Variants in GTF2A1 observed in about 807,000 individuals in gnomAD.
GTF2A1 encodes general transcription factor IIA subunit 1.
Under a neutral mutation model 54.1 loss-of-function variants are expected in GTF2A1, and 12 were observed. The observed-to-expected ratio is 0.22, with a 90% CI of 0.14 to 0.36. The LOEUF is 0.36. Ranked by LOEUF, GTF2A1 falls within the 10% of genes least tolerant of loss-of-function variation. The pLI, the probability that GTF2A1 is intolerant of heterozygous loss-of-function variation, is 1.00. For missense variants in GTF2A1, 335 were observed against 442.2 expected (o/e 0.76, Z 2.17); for synonymous variants, 145 against 152.0 (o/e 0.95, Z 0.34).
intron 7 of GTF2A1, among the ~76,000 whole-genome samples, chr14:81,189,553 C>A (rs1193891342): frequency 6.6e-6 from 1 of 152,092 alleles, no homozygotes; most frequent in Non-Finnish European, 1.5e-5. Context: ...CACCTCTAGT[C>A]CCAGCTACTC....
chr14:81,185,709 A>G lies in GTF2A1; in HGVS notation c.934-89T>C, dbSNP rs1308603752. The stretch of plus-strand genomic sequence containing the variant: ...TATAATGACCTTGATGTTCTTTGAG[A>G]ACCAAATGCCAAATGCATATATGTA... On this transcript the variant is annotated intron_variant, in intron 7 of 8. Transcript: ENST00000553612. The G allele has an allele frequency of 1.4e-5, 9 of 662,488 alleles. No individual in the cohort carries two copies. The Admixed American group carries it at 1.9e-4, about 14-fold the overall frequency. The allele number at this position is 662,488 out of a possible 1,614,324, so 41.0% of individuals were successfully genotyped here.
chr14:81,221,124 G>C (rs926154497), upstream of GTF2A1: 1 of 152,308 alleles, frequency 6.6e-6, no homozygotes, highest in Non-Finnish European at 1.5e-5. Flanking sequence ...AGCCCGGGGA[G>C]TGAAGTAGTG....
chr14:81,212,822 G>A (rs1893402553), intron 2 of GTF2A1, among the ~76,000 whole-genome samples: 1 of 152,218 alleles, frequency 6.6e-6, no homozygotes, highest in South Asian at 2.1e-4. Context: ...CACATTTTGA[G>A]TGCTTAATAA....
At chr14:81,192,248 C>T (rs996703072) in intron 7 of GTF2A1, among the ~76,000 whole-genome samples, 1 of 152,154 alleles carries the variant, frequency 6.6e-6, no homozygotes, top group Admixed American at 6.5e-5. Context: ...GTTAGAATTA[C>T]CTGTACTCTT....
chr14:81,213,654 A>T (rs1389846932), intron 2 of GTF2A1, among the ~76,000 whole-genome samples: 1 of 152,188 alleles, frequency 6.6e-6, no homozygotes. Flanking sequence ...ACTTCATGCT[A>T]CTTGAACAAT....
chr14:81,190,092 T>G lies in GTF2A1; in HGVS notation c.933+2427A>C, dbSNP rs574504421. Reference sequence around the variant, plus strand: ...CAAAAAGACAATATCATGATTAACTTCATGTTAATCAACTTGAAAATTTAG... The same window carrying G: ...CAAAAAGACAATATCATGATTAACTGCATGTTAATCAACTTGAAAATTTAG... On this transcript the variant is annotated intron_variant, in intron 7 of 8. Transcript: ENST00000553612. 1.2e-3 allele frequency among the ~76,000 whole-genome samples: 182 copies of G among 152,222 alleles called. 1 individual carries two copies. Among genetic ancestry groups the G allele is most frequent in the African/African-American group, 4.3e-3 (178 of 41,534 alleles).
At chr14:81,194,612 C>T (rs988232860) in intron 6 of GTF2A1, among the ~76,000 whole-genome samples, 5 of 152,126 alleles carry the variant, frequency 3.3e-5, no homozygotes, top group Non-Finnish European at 7.4e-5. Flanking sequence ...ACATAAGTTC[C>T]TCAAGAAAAT....
chr14:81,193,267 A>G (rs1308157087), intron 6 of GTF2A1, among the ~76,000 whole-genome samples: 4 of 151,534 alleles, frequency 2.6e-5, no homozygotes, highest in African/African-American at 7.3e-5. Context: ...CCTGGGTTCA[A>G]GCAATTCTCC....
rs952222194 is a variant in GTF2A1 at position 81,179,670 on chromosome 14, A to G, written c.*553T>C. 4 of 152,254 alleles carry G rather than the reference A, an allele frequency of 2.6e-5. No individual in the cohort carries two copies. The highest frequency in any genetic ancestry group is 2.0e-4 in the Admixed American group (3 of 15,286). The allele number at this position is 152,254 out of a possible 1,614,324, so 9.4% of individuals were successfully genotyped here. A position where few individuals can be genotyped will look rare whatever the true frequency, so the allele number is the denominator to read the frequency against. ...TTCATAAAGCTGGAAAGGAAGAGGT[A>G]TATATCACTGAGGGAGAATAGCAAG... On this transcript the variant is annotated 3_prime_UTR_variant, in exon 9 of 9. Transcript: ENST00000553612.
chr14:81,189,315 A>G (rs1721821166), intron 7 of GTF2A1, among the ~76,000 whole-genome samples: 1 of 152,206 alleles, frequency 6.6e-6, no homozygotes. Context: ...TGGCAGAAAA[A>G]CAAGAAGAAA....
rs1893612725 is a variant in GTF2A1, at chr14:81,220,603, G to C, written c.-85C>G. ...CAAAAAAAAAAAAACTATAACACCCGGAGGGTGACCCAAATCACCGCAAGA... is the reference window on the plus strand; with the variant it reads ...CAAAAAAAAAAAAACTATAACACCCCGAGGGTGACCCAAATCACCGCAAGA... On this transcript the variant is annotated 5_prime_UTR_variant, in exon 1 of 9. Transcript: ENST00000553612. 1 of 1,103,024 alleles carries C rather than the reference G, an allele frequency of 9.1e-7. No homozygotes were observed. The highest frequency in any genetic ancestry group is 2.9e-5 in the East Asian group (1 of 34,606). 68.3% of individuals were successfully genotyped at this position (1,103,024 alleles called of 1,614,324 possible). A position where few individuals can be genotyped will look rare whatever the true frequency, so the allele number is the denominator to read the frequency against.
At position 81,176,611 on chromosome 14, in the gene GTF2A1, G is replaced by A. The variant is rs915710941; in HGVS notation, c.*3612C>T. On this transcript the variant is annotated 3_prime_UTR_variant, in exon 9 of 9. Coordinates refer to ENST00000553612, the MANE Select transcript of GTF2A1 (RefSeq NM_015859.4). ...CAAGAGTAAGGCAGGCTTAAAAAGG[G>A]AACAATATAAACTTCGTAATAATTT... 2 of 152,012 alleles carry A rather than the reference G, an allele frequency of 1.3e-5. No individual in the cohort carries two copies. The highest frequency in any genetic ancestry group is 4.8e-5 in the African/African-American group (2 of 41,388). 9.4% of individuals were successfully genotyped at this position (152,012 alleles called of 1,614,324 possible). A position where few individuals can be genotyped will look rare whatever the true frequency, so the allele number is the denominator to read the frequency against.
chr14:81,180,623 T>G (rs891847121), intron 8 of GTF2A1, among the ~76,000 whole-genome samples: 1 of 152,014 alleles, frequency 6.6e-6, no homozygotes, highest in Admixed American at 6.6e-5. Flanking sequence ...TTAATAAAGT[T>G]TAATTTCACC....
At chr14:81,189,174 G>A (rs75699439) in intron 7 of GTF2A1, among the ~76,000 whole-genome samples, 9,740 of 151,950 alleles carry the variant, frequency 0.064, 545 homozygotes, top group African/African-American at 0.15. Flanking sequence ...CAGACTTCAT[G>A]GTTAAAAAAA....
chr14:81,184,993 A>G (rs952401900), intron 8 of GTF2A1, among the ~76,000 whole-genome samples: 4 of 152,226 alleles, frequency 2.6e-5, no homozygotes, highest in African/African-American at 9.6e-5. Flanking sequence ...ATCAATGGCT[A>G]GTTTTCACAG....
chr14:81,193,407 C>G lies in GTF2A1; in HGVS notation c.613-568G>C, dbSNP rs1310810945. ...GTCTCGAACTCACGACCTCATGATC[C>G]GCCCGCCTCCCAAAGTGCTGGGATT... On this transcript the variant is annotated intron_variant, in intron 6 of 8. Coordinates refer to ENST00000553612, the MANE Select transcript of GTF2A1 (RefSeq NM_015859.4). Among the ~76,000 whole-genome samples the G allele has an allele frequency of 2.0e-5, 3 of 152,034 alleles. No homozygotes were observed. The East Asian group carries it at 5.8e-4, about 29-fold the overall frequency.
In GTF2A1 at chr14:81,211,109, C is replaced by T. The variant is rs1473931432; in HGVS notation, c.132+5304G>A. 2.0e-5 allele frequency among the ~76,000 whole-genome samples: 3 copies of T among 152,080 alleles called. No individual in the cohort carries two copies. The East Asian group carries it at 5.8e-4, about 29-fold the overall frequency. On this transcript the variant is annotated intron_variant, in intron 2 of 8. Coordinates refer to ENST00000553612, the MANE Select transcript of GTF2A1 (RefSeq NM_015859.4). The stretch of plus-strand genomic sequence containing the variant: ...TCCCTTTTACAGAAAAAGAATCTGA[C>T]AAGAAAGAAGTTAGGTAGCTTATTC...
At chr14:81,192,466 TA>T in intron 7 of GTF2A1, 52 bp downstream of exon 7, 3 of 1,367,964 alleles carry the variant, frequency 2.2e-6, no homozygotes, top group African/African-American at 1.4e-5. Flanking sequence ...TTGTACCAAC[TA>T]AAAAAGGAAA....
chr14:81,215,620 T>C (rs1487671460), intron 2 of GTF2A1, among the ~76,000 whole-genome samples: 2 of 152,228 alleles, frequency 1.3e-5, no homozygotes, highest in Non-Finnish European at 2.9e-5. Context: ...GTAAAATATA[T>C]TCAAAACATT....
Sources: gnomAD v4.1 joint callset for allele counts (sites outside exome capture counted in the v4.1 genomes callset) on GRCh38, gnomAD v4.1.1 for gene constraint, MANE v1.5 for transcripts, NCBI Gene and HGNC (gene_info 2026-07-23, HGNC 2026-07-21) for gene names.